The following MBNL1 variants were observed in gnomAD, a reference collection of about 807,000 sequenced individuals.
The protein encoded by MBNL1 is muscleblind-like protein 1.
In MBNL1, 8 loss-of-function variants were observed where a neutral mutation model predicts 42.2. The observed-to-expected ratio is 0.19, with a 90% confidence interval of 0.11 to 0.34. The LOEUF (loss-of-function observed/expected upper bound fraction) is 0.34, where lower values mean the gene tolerates loss of function less well. Among genes scored for constraint, MBNL1 ranks in the 10% least tolerant of loss-of-function variants. The pLI is 1.00. For synonymous variants in MBNL1, 169 were observed against 173.9 expected, an observed-to-expected ratio of 0.97 and a Z score of 0.22; for missense variants, 309 against 495.3, an observed-to-expected ratio of 0.62 and a Z score of 3.57.
chr3:152,296,816 A>G (rs2151307071), intron 1 of MBNL1, among the ~76,000 whole-genome samples: 1 of 151,914 alleles, frequency 6.6e-6, no homozygotes, highest in East Asian at 1.9e-4. Flanking sequence ...AGCAGTTGAT[A>G]ATTTAGTTTA....
At chr3:152,262,114 A>C (rs1290836819) in intron 2 of MBNL1, among the ~76,000 whole-genome samples, 1 of 152,214 alleles carries the variant, frequency 6.6e-6, no homozygotes, top group Admixed American at 6.5e-5. Flanking sequence ...AGTGCCAAGC[A>C]CAGCCCTTGG....
intron 9 of MBNL1, among the ~76,000 whole-genome samples, chr3:152,461,459 A>G (rs16864300): frequency 0.048 from 7,310 of 152,222 alleles, 588 homozygotes; most frequent in African/African-American, 0.17. Context: ...CTTATAGTCA[A>G]TTAGGTGTGT....
chr3:152,389,499 C>T (rs926791677), intron 2 of MBNL1, among the ~76,000 whole-genome samples: 1 of 152,078 alleles, frequency 6.6e-6, no homozygotes, highest in Non-Finnish European at 1.5e-5. Context: ...CACACCTGGA[C>T]GATATGGCCT....
At position 152,352,514 on chromosome 3, in the gene MBNL1, C is replaced by A. The variant is rs139906840; in HGVS notation, c.174+52147C>A. ...TCCCTGGAGTTTTTAAAACACATCGCCCTGTCTCACATTTCTGTCTTCACA... is the reference window on the plus strand; with the variant it reads ...TCCCTGGAGTTTTTAAAACACATCGACCTGTCTCACATTTCTGTCTTCACA... On this transcript the variant is annotated intron_variant, in intron 2 of 9. Transcript: ENST00000324210. Among the ~76,000 whole-genome samples, 327 of 152,250 alleles carry A rather than the reference C, an allele frequency of 2.1e-3. 1 individual carries two copies. The highest frequency in any genetic ancestry group is 7.5e-3 in the African/African-American group (312 of 41,550).
At chr3:152,430,931 C>G (rs1032145369) in intron 3 of MBNL1, among the ~76,000 whole-genome samples, 1 of 152,242 alleles carries the variant, frequency 6.6e-6, no homozygotes, top group Non-Finnish European at 1.5e-5. Context: ...TTCAAACCAA[C>G]ATGTTCAGAG....
At chr3:152,451,341 T>TA (rs1419838749) in intron 6 of MBNL1, among the ~76,000 whole-genome samples, 1 of 152,196 alleles carries the variant, frequency 6.6e-6, no homozygotes, top group Non-Finnish European at 1.5e-5. Context: ...TTGGATTTAA[T>TA]ATGGACATTA....
intron 4 of MBNL1, among the ~76,000 whole-genome samples, chr3:152,435,469 ATGTGATGCCTACAGC>A (rs2099066816): frequency 6.6e-6 from 1 of 152,098 alleles, no homozygotes; most frequent in Admixed American, 6.6e-5. Context: ...GAGTCAGGTA[ATGTGATGCCTACAGC>A]TTTGTTATTT....
chr3:152,247,531 T>C (rs1028111209), intron 2 of MBNL1, among the ~76,000 whole-genome samples: 3 of 151,898 alleles, frequency 2.0e-5, no homozygotes, highest in Non-Finnish European at 2.9e-5. Context: ...AAAAAATAAA[T>C]GAAATGGAAT....
intron 2 of MBNL1, among the ~76,000 whole-genome samples, chr3:152,400,831 A>G (rs952446286): frequency 1.2e-4 from 18 of 152,242 alleles, no homozygotes; most frequent in Non-Finnish European, 4.4e-5. Flanking sequence ...GTCAGATAAC[A>G]TTAGCAGTTA....
rs114436504 is a variant in MBNL1, at chr3:152,390,693, G to T, written c.175-24248G>T. Among the ~76,000 whole-genome samples the T allele has an allele frequency of 3.0e-3, 456 of 151,876 alleles. 1 individual carries two copies. Among genetic ancestry groups the T allele is most frequent in the Non-Finnish European group, 5.4e-3 (368 of 67,976 alleles). ...TCCTCTGGTGACTTAGGCCGAGATA[G>T]TTTTTGAAAATGAAATGCCATACCT... On this transcript the variant is annotated intron_variant, in intron 2 of 9. Transcript: ENST00000324210.
intron 2 of MBNL1, chr3:152,340,497 A>G: frequency 1.9e-6 from 3 of 1,551,316 alleles, no homozygotes; most frequent in Non-Finnish European, 2.6e-6. Context: ...TTCTCAGAGT[A>G]TATTAAAAAT....
At chr3:152,347,784 C>T (rs2094472183) in intron 2 of MBNL1, among the ~76,000 whole-genome samples, 1 of 151,994 alleles carries the variant, frequency 6.6e-6, no homozygotes, top group African/African-American at 2.4e-5. Flanking sequence ...TAATGCACAG[C>T]ACAGTACTTT....
intron 2 of MBNL1, chr3:152,340,663 A>G (rs2092929065): frequency 1.2e-6 from 2 of 1,614,034 alleles, no homozygotes; most frequent in Non-Finnish European, 1.7e-6. Flanking sequence ...GAGTGTTAGA[A>G]TCTTATTCGC....
intron 2 of MBNL1, among the ~76,000 whole-genome samples, chr3:152,356,146 A>G (rs895854342): frequency 6.6e-6 from 1 of 151,964 alleles, no homozygotes; most frequent in African/African-American, 2.4e-5. Flanking sequence ...GTATGCTAAG[A>G]AAAAAAATCT....
At chr3:152,404,479 G>C (rs1412034859) in intron 2 of MBNL1, among the ~76,000 whole-genome samples, 1 of 152,006 alleles carries the variant, frequency 6.6e-6, no homozygotes, top group African/African-American at 2.4e-5. Context: ...GGATATGTGG[G>C]ATCTAGCAGG....
intron 2 of MBNL1, among the ~76,000 whole-genome samples, chr3:152,371,991 G>A (rs774441624): frequency 3.9e-5 from 6 of 152,094 alleles, no homozygotes; most frequent in Non-Finnish European, 7.4e-5. Context: ...TGGAGGCTTT[G>A]TTCATTCCTT....
At chr3:152,307,108 A>G (rs539396541) in intron 2 of MBNL1, among the ~76,000 whole-genome samples, 7 of 151,652 alleles carry the variant, frequency 4.6e-5, no homozygotes, top group African/African-American at 1.7e-4. Flanking sequence ...TCCTGCCTCA[A>G]CCTCCCGAGT....
In MBNL1 at chr3:152,463,074, T is replaced by C. The variant is rs1748292236; in HGVS notation, c.*708T>C. ...AAATTAGAGTATTATTTCTTCAGTGTTATTGTTTTCAGAGCCACATTTTGT... is the reference window on the plus strand; with the variant it reads ...AAATTAGAGTATTATTTCTTCAGTGCTATTGTTTTCAGAGCCACATTTTGT... On this transcript the variant is annotated 3_prime_UTR_variant, in exon 10 of 10. Coordinates refer to ENST00000324210, the MANE Select transcript of MBNL1 (RefSeq NM_021038.5). 6.6e-6 allele frequency: 1 copy of C among 152,238 alleles called. No individual in the cohort carries two copies. The highest frequency in any genetic ancestry group is 2.4e-5 in the African/African-American group (1 of 41,384). The allele number at this position is 152,238 out of a possible 1,614,324, so 9.4% of individuals were successfully genotyped here.
At chr3:152,437,935 G>A (rs571524122) in intron 4 of MBNL1, among the ~76,000 whole-genome samples, 1 of 152,024 alleles carries the variant, frequency 6.6e-6, no homozygotes, top group African/African-American at 2.4e-5. Flanking sequence ...CACCATGCCC[G>A]GCTAATTTTT....
Sources: allele counts gnomAD v4.1 joint callset (sites outside exome capture counted in the v4.1 genomes callset), GRCh38; gene constraint gnomAD v4.1.1; transcripts MANE v1.5; gene names NCBI Gene and HGNC (gene_info 2026-07-23, HGNC 2026-07-21).